Variants in SBF2 observed in about 807,000 individuals in gnomAD.
SBF2 encodes SET binding factor 2.
SBF2 carries 112 observed loss-of-function variants against 225.2 expected under a neutral mutation model. That is an observed-to-expected ratio of 0.50 (90% CI 0.43 to 0.58). SBF2 has a LOEUF of 0.58. Ranked by LOEUF, SBF2 falls within the 20% of genes least tolerant of loss-of-function variation. The probability of loss-of-function intolerance (pLI) is 0.00; values close to 1 mark genes in which losing one functional copy is unlikely to be tolerated. For missense variants in SBF2, 1,996 were observed against 2,206.2 expected, an observed-to-expected ratio of 0.90 and a Z score of 1.91; for synonymous variants, 763 against 773.3, an observed-to-expected ratio of 0.99 and a Z score of 0.22.
intron 17 of SBF2, among the ~76,000 whole-genome samples, chr11:9,880,492 T>C (rs1859672607): frequency 6.6e-6 from 1 of 152,316 alleles, no homozygotes; most frequent in Admixed American, 6.5e-5. Flanking sequence ...TTTGCGTTAT[T>C]TGTTTGGCCC....
chr11:10,216,956 A>T (rs1958156581), intron 1 of SBF2, among the ~76,000 whole-genome samples: 1 of 152,194 alleles, frequency 6.6e-6, no homozygotes, highest in African/African-American at 2.4e-5. Context: ...GATATAAATA[A>T]ATGCCTAAAT....
chr11:10,174,049 C>G (rs940816166), intron 2 of SBF2, among the ~76,000 whole-genome samples: 13 of 151,254 alleles, frequency 8.6e-5, no homozygotes, highest in African/African-American at 3.2e-4. Flanking sequence ...GAAAAAACCA[C>G]AAAGATGGGG....
intron 1 of SBF2, among the ~76,000 whole-genome samples, chr11:10,225,681 C>T (rs537582635): frequency 3.3e-4 from 50 of 152,216 alleles, no homozygotes; most frequent in Middle Eastern, 6.8e-3. Context: ...TTCATCCATT[C>T]TGTCATGAAA....
chr11:10,073,429 G>C (rs1950970632), intron 2 of SBF2, among the ~76,000 whole-genome samples: 1 of 152,084 alleles, frequency 6.6e-6, no homozygotes, highest in African/African-American at 2.4e-5. Flanking sequence ...AAAGATTTAA[G>C]TGGCCCAGCA....
chr11:10,259,040 G>T (rs1483539283), intron 1 of SBF2, among the ~76,000 whole-genome samples: 1 of 152,176 alleles, frequency 6.6e-6, no homozygotes, highest in East Asian at 1.9e-4. Flanking sequence ...CTAGTCCTTG[G>T]ACTTCTATGA....
chr11:10,114,293 C>CATCCAT (rs1276305938), intron 2 of SBF2, among the ~76,000 whole-genome samples: 1 of 152,152 alleles, frequency 6.6e-6, no homozygotes, highest in Non-Finnish European at 1.5e-5. Context: ...TGGAACTCAG[C>CATCCAT]ATCCATCTTC....
intron 16 of SBF2, chr11:9,957,263 G>A (rs966382891): frequency 3.9e-5 from 6 of 152,260 alleles, no homozygotes; most frequent in African/African-American, 1.4e-4. Context: ...GCAGGGCACA[G>A]AAACCCTAGA....
At chr11:9,808,830 T>C in intron 31 of SBF2, 71 bp downstream of exon 31, 1 of 1,116,534 alleles carries the variant, frequency 9.0e-7, no homozygotes, top group Non-Finnish European at 1.3e-6. Flanking sequence ...AAAAGAGTCA[T>C]CTGAAGAATT....
chr11:10,280,386 C>G (rs1384196961), intron 1 of SBF2, among the ~76,000 whole-genome samples: 2 of 152,192 alleles, frequency 1.3e-5, no homozygotes, highest in Non-Finnish European at 2.9e-5. Flanking sequence ...ATCAACTGTT[C>G]TCATTCCATT....
At chr11:10,025,383 A>T (rs890999198) in intron 6 of SBF2, among the ~76,000 whole-genome samples, 1 of 139,948 alleles carries the variant, frequency 7.1e-6, no homozygotes, top group South Asian at 2.3e-4. Flanking sequence ...AGCTTTATAT[A>T]AAAAAAAAAT....
intron 2 of SBF2, among the ~76,000 whole-genome samples, chr11:10,154,450 T>C (rs532146257): frequency 1.3e-5 from 2 of 152,262 alleles, no homozygotes; most frequent in Admixed American, 6.5e-5. Flanking sequence ...AAGTCAATCC[T>C]CTGAGTTGCT....
At chr11:9,990,079 CCTT>C (rs1376214986) in intron 12 of SBF2, among the ~76,000 whole-genome samples, 1 of 152,074 alleles carries the variant, frequency 6.6e-6, no homozygotes, top group South Asian at 2.1e-4. Context: ...CCCTTAGACT[CCTT>C]CTAGTTCTCA....
chr11:9,842,714 C>G lies in SBF2; in HGVS notation c.3167G>C (p.Gly1056Ala), dbSNP rs778930864. ...GAKRAGKMTI[G>A]RQYLLKKKTG... ...CTTCTTCTTCAGTAAATATTGCCGC[C>G]CAATTGTCATTTTCCCTGCCCTTTT... The change falls in exon 25 of 40, where the codon GGG (glycine) becomes GCG (alanine). Residue 1056 changes from glycine (G) to alanine (A), a missense_variant. Transcript: ENST00000256190. The G allele has an allele frequency of 1.9e-6, 3 of 1,614,050 alleles. No homozygotes were observed. Among genetic ancestry groups the G allele is most frequent in the Non-Finnish European group, 2.5e-6 (3 of 1,179,962 alleles).
At chr11:10,096,795 G>T (rs934344775) in intron 2 of SBF2, among the ~76,000 whole-genome samples, 1 of 151,962 alleles carries the variant, frequency 6.6e-6, no homozygotes, top group African/African-American at 2.4e-5. Flanking sequence ...TAAAACTTAA[G>T]GGAAAATATT....
At chr11:10,238,080 T>A (rs375317946) in intron 1 of SBF2, among the ~76,000 whole-genome samples, 15 of 152,274 alleles carry the variant, frequency 9.9e-5, no homozygotes, top group African/African-American at 3.6e-4. Flanking sequence ...GATTCTAAAG[T>A]ACAAGAATAT....
chr11:9,846,859 C>G (rs1856584708), intron 23 of SBF2, 97 bp downstream of exon 23: 3 of 1,358,588 alleles, frequency 2.2e-6, no homozygotes, highest in South Asian at 2.3e-5. Context: ...TTCTCATCCT[C>G]TTAACTTCTG....
intron 2 of SBF2, among the ~76,000 whole-genome samples, chr11:10,130,260 G>A (rs1251631073): frequency 6.6e-6 from 1 of 151,884 alleles, no homozygotes; most frequent in Non-Finnish European, 1.5e-5. Context: ...TACTTGGGAG[G>A]CTGAGACAGG....
chr11:9,780,542 A>G, intron 39 of SBF2, 26 bp from the exon 40 acceptor site: 1 of 1,596,868 alleles, frequency 6.3e-7, no homozygotes, highest in Non-Finnish European at 8.6e-7. Flanking sequence ...ACAGTGAACC[A>G]GAGATGAAGG....
intron 21 of SBF2, among the ~76,000 whole-genome samples, chr11:9,852,140 A>G (rs1296804640): frequency 6.6e-6 from 1 of 152,206 alleles, no homozygotes; most frequent in African/African-American, 2.4e-5. Context: ...ACCATAGTCT[A>G]CTGGCGCCAG....
Sources: allele counts gnomAD v4.1 joint callset (sites outside exome capture counted in the v4.1 genomes callset), GRCh38; gene constraint gnomAD v4.1.1; transcripts MANE v1.5; gene names NCBI Gene and HGNC (gene_info 2026-07-23, HGNC 2026-07-21).